The following GABRG3 variants were observed in gnomAD, a reference collection of about 807,000 sequenced individuals.
GABRG3 encodes gamma-aminobutyric acid receptor subunit gamma-3.
Under a neutral mutation model 48.8 loss-of-function variants are expected in GABRG3, and 25 were observed. The observed-to-expected ratio is 0.51, with a 90% CI of 0.37 to 0.72. The LOEUF (loss-of-function observed/expected upper bound fraction) is 0.72, where lower values mean the gene tolerates loss of function less well. Among genes scored for constraint, GABRG3 ranks in the 30% least tolerant of loss-of-function variants. The pLI is 0.00. For missense variants in GABRG3, 394 were observed against 577.9 expected (o/e 0.68, Z 3.26); for synonymous variants, 227 against 217.6 (o/e 1.04, Z -0.38).
At chr15:27,378,785 C>T (rs565704611) in intron 5 of GABRG3, among the ~76,000 whole-genome samples, 1 of 152,298 alleles carries the variant, frequency 6.6e-6, no homozygotes, top group Admixed American at 6.5e-5. Context: ...AAATTACACT[C>T]AGATCATGCA....
At chr15:27,147,423 A>G (rs902324714) in intron 3 of GABRG3, among the ~76,000 whole-genome samples, 3 of 152,060 alleles carry the variant, frequency 2.0e-5, no homozygotes, top group Admixed American at 2.0e-4. Flanking sequence ...AAGATTAACA[A>G]GGACATAGAA....
intron 3 of GABRG3, among the ~76,000 whole-genome samples, chr15:27,237,795 C>A (rs568167623): frequency 6.6e-6 from 1 of 152,320 alleles, no homozygotes; most frequent in South Asian, 2.1e-4. Context: ...TGTGTCCTTG[C>A]TCATTGGGAC....
intron 3 of GABRG3, among the ~76,000 whole-genome samples, chr15:27,307,938 T>C (rs964110283): frequency 3.0e-5 from 4 of 132,092 alleles, no homozygotes; most frequent in African/African-American, 1.1e-4. Context: ...TGCTTGTATA[T>C]AAACATATAT....
chr15:27,524,662 T>C (rs1054179073), intron 7 of GABRG3, among the ~76,000 whole-genome samples: 1 of 152,034 alleles, frequency 6.6e-6, no homozygotes, highest in African/African-American at 2.4e-5. Context: ...TATGCTAAAT[T>C]ATGTATTTAT....
intron 5 of GABRG3, among the ~76,000 whole-genome samples, chr15:27,333,757 A>C (rs188634679): frequency 1.3e-5 from 2 of 152,248 alleles, no homozygotes; most frequent in East Asian, 3.9e-4. Flanking sequence ...GCCACTCACA[A>C]TTCTCAGATT....
At chr15:27,201,209 T>A (rs1888668765) in intron 3 of GABRG3, among the ~76,000 whole-genome samples, 1 of 151,894 alleles carries the variant, frequency 6.6e-6, no homozygotes, top group Non-Finnish European at 1.5e-5. Context: ...AATACACAGC[T>A]GCAGGACACA....
chr15:27,252,626 T>A (rs1361445404), intron 3 of GABRG3, among the ~76,000 whole-genome samples: 1 of 152,176 alleles, frequency 6.6e-6, no homozygotes, highest in Non-Finnish European at 1.5e-5. Context: ...ATTGAAGACA[T>A]CTGTGGGGCC....
rs1894665396 is a variant in GABRG3, at chr15:27,352,701, G to T, written c.574+23813G>T. 1.3e-5 allele frequency among the ~76,000 whole-genome samples: 2 copies of T among 152,044 alleles called. No individual in the cohort carries two copies. Among genetic ancestry groups the T allele is most frequent in the Non-Finnish European group, 2.9e-5 (2 of 68,010 alleles). On this transcript the variant is annotated intron_variant, in intron 5 of 9. Transcript: ENST00000615808. This position sits in a 1 kb window ranked among gnomAD's most constrained non-coding sequence, Gnocchi z 4.0. ...TTGGGTGATATCGGTCTTGGTTATT[G>T]GTCCCTAGGATTGTGCTTGAGAAAG...
At chr15:27,498,183 TTTC>T (rs1890533159) in intron 6 of GABRG3, among the ~76,000 whole-genome samples, 1 of 152,100 alleles carries the variant, frequency 6.6e-6, no homozygotes, top group Non-Finnish European at 1.5e-5. Context: ...TCCCTCTTTC[TTTC>T]TTCTTCCTTC....
intron 3 of GABRG3, among the ~76,000 whole-genome samples, chr15:27,248,873 G>A (rs1347129039): frequency 6.6e-6 from 1 of 151,468 alleles, no homozygotes; most frequent in Non-Finnish European, 1.5e-5. Flanking sequence ...AGAGGGCAGG[G>A]GCTGTGGAAG....
intron 6 of GABRG3, among the ~76,000 whole-genome samples, chr15:27,484,604 T>A (rs775620074): frequency 3.3e-5 from 5 of 152,126 alleles, no homozygotes; most frequent in Non-Finnish European, 7.3e-5. Flanking sequence ...TGGTTTCTAA[T>A]ATCATTCTCC....
At chr15:27,484,181 G>A (rs1280938110) in intron 6 of GABRG3, among the ~76,000 whole-genome samples, 1 of 152,090 alleles carries the variant, frequency 6.6e-6, no homozygotes, top group Middle Eastern at 3.2e-3. Context: ...GGTGGTCCAC[G>A]CATCTGGGCC....
chr15:27,464,772 A>G lies in GABRG3; in HGVS notation c.575-15878A>G, dbSNP rs1889552554. Reference sequence around the variant, plus strand: ...TGTATATCTTCCTTTAAAAAATTCTATTTAAATTCTTTGCCCATTTTTAAA... The same window carrying G: ...TGTATATCTTCCTTTAAAAAATTCTGTTTAAATTCTTTGCCCATTTTTAAA... On this transcript the variant is annotated intron_variant, in intron 5 of 9. Coordinates refer to ENST00000615808, the MANE Select transcript of GABRG3 (RefSeq NM_033223.5). 1.1e-4 allele frequency among the ~76,000 whole-genome samples: 16 copies of G among 152,264 alleles called. 1 individual carries two copies. In the South Asian group the frequency reaches 3.3e-3, roughly 32 times the overall value.
At chr15:27,286,680 A>G (rs1891624276) in intron 3 of GABRG3, among the ~76,000 whole-genome samples, 1 of 152,242 alleles carries the variant, frequency 6.6e-6, no homozygotes, top group African/African-American at 2.4e-5. Context: ...AGAGAGCTCA[A>G]GTGCTTTTAG....
chr15:27,364,664 G>A (rs1241440870), intron 5 of GABRG3: 1 of 152,156 alleles, frequency 6.6e-6, no homozygotes, highest in Non-Finnish European at 1.5e-5. Context: ...GAGGGGAGGA[G>A]AGCAGACTGA....
At chr15:27,171,992 C>T (rs112180471) in intron 3 of GABRG3, among the ~76,000 whole-genome samples, 1,658 of 145,680 alleles carry the variant, frequency 0.011, 26 homozygotes, top group African/African-American at 0.04. Flanking sequence ...CGAATAAGCA[C>T]GAAAGACAGA....
At chr15:27,172,203 C>T (rs150410488) in intron 3 of GABRG3, among the ~76,000 whole-genome samples, 50 of 152,220 alleles carry the variant, frequency 3.3e-4, no homozygotes, top group African/African-American at 1.0e-3. Context: ...AGAGTGTATA[C>T]GTGGAGCAAA....
intron 3 of GABRG3, among the ~76,000 whole-genome samples, chr15:27,168,759 A>G (rs1887465672): frequency 1.3e-5 from 2 of 152,204 alleles, no homozygotes; most frequent in Admixed American, 1.3e-4. Context: ...CTCACCAGAC[A>G]CCAAATCTGC....
At chr15:27,396,408 C>A (rs1887298767) in intron 5 of GABRG3, among the ~76,000 whole-genome samples, 1 of 152,110 alleles carries the variant, frequency 6.6e-6, no homozygotes, top group African/African-American at 2.4e-5. Flanking sequence ...AAAATATGCT[C>A]AACATAATCA....
Sources: gnomAD v4.1 joint callset for allele counts (sites outside exome capture counted in the v4.1 genomes callset) on GRCh38, gnomAD v4.1.1 for gene constraint, Gnocchi (gnomAD v3.1) non-coding constraint, MANE v1.5 for transcripts, NCBI Gene and HGNC (gene_info 2026-07-23, HGNC 2026-07-21) for gene names.